Variants in SUV39H2 observed in about 807,000 individuals in gnomAD.
SUV39H2 encodes SUV39H2 histone lysine methyltransferase.
In SUV39H2, 10 loss-of-function variants were observed where a neutral mutation model predicts 47.5. The observed-to-expected ratio is 0.21, with a 90% confidence interval of 0.13 to 0.36. SUV39H2 has a LOEUF of 0.36. Ranked by LOEUF, SUV39H2 falls within the 10% of genes least tolerant of loss-of-function variation. The probability of loss-of-function intolerance (pLI) is 1.00; values close to 1 mark genes in which losing one functional copy is unlikely to be tolerated. For missense variants in SUV39H2, 266 were observed against 487.4 expected (o/e 0.55, Z 4.28); for synonymous variants, 159 against 166.8 (o/e 0.95, Z 0.36).
intron 2 of SUV39H2, among the ~76,000 whole-genome samples, chr10:14,884,417 T>A (rs868267463): frequency 1.2e-4 from 19 of 152,360 alleles, no homozygotes; most frequent in African/African-American, 4.3e-4. Flanking sequence ...TTTTTCTGAC[T>A]AATGATACTG....
intron 2 of SUV39H2, among the ~76,000 whole-genome samples, chr10:14,883,957 C>T (rs1401670003): frequency 6.6e-6 from 1 of 152,066 alleles, no homozygotes; most frequent in African/African-American, 2.4e-5. Flanking sequence ...GTGATTGGCC[C>T]CTTTCACTCA....
At chr10:14,897,593 T>G (rs1003623747) in intron 3 of SUV39H2, 76 bp downstream of exon 3, 104 of 1,230,236 alleles carry the variant, frequency 8.5e-5, no homozygotes, top group Non-Finnish European at 1.1e-4. Flanking sequence ...TTTTATCTCT[T>G]TAAGAGATAC....
At chr10:14,894,130 C>A (rs1033484013) in intron 2 of SUV39H2, among the ~76,000 whole-genome samples, 2 of 152,024 alleles carry the variant, frequency 1.3e-5, no homozygotes, top group Non-Finnish European at 1.5e-5. Flanking sequence ...CCACTAACAG[C>A]AGTCCTGAAT....
intron 2 of SUV39H2, among the ~76,000 whole-genome samples, chr10:14,895,284 C>T (rs1404949200): frequency 2.0e-5 from 3 of 151,594 alleles, no homozygotes; most frequent in Admixed American, 2.0e-4. Context: ...TCAGGCGATT[C>T]TCCTGCCTCA....
chr10:14,888,789 G>A (rs1175610068), intron 2 of SUV39H2, among the ~76,000 whole-genome samples: 3 of 151,872 alleles, frequency 2.0e-5, no homozygotes, highest in African/African-American at 7.3e-5. Context: ...GCACCTCTGA[G>A]AAGAGCCAAA....
At chr10:14,887,607 A>G (rs1389141687) in intron 2 of SUV39H2, among the ~76,000 whole-genome samples, 3 of 152,216 alleles carry the variant, frequency 2.0e-5, no homozygotes, top group East Asian at 1.9e-4. Context: ...TAGAGAGGGA[A>G]GCCTTGGGAG....
At chr10:14,879,027 C>T in intron 1 of SUV39H2, 108 bp downstream of exon 1, 2 of 1,318,978 alleles carry the variant, frequency 1.5e-6, no homozygotes, top group Non-Finnish European at 1.9e-6. Context: ...GTGGCGGTTC[C>T]CCGCCCGCCG....
intron 2 of SUV39H2, among the ~76,000 whole-genome samples, chr10:14,883,966 C>T (rs1338741281): frequency 2.6e-5 from 4 of 152,142 alleles, no homozygotes; most frequent in Non-Finnish European, 5.9e-5. Context: ...CCCTTTCACT[C>T]AGCGTGTTTT....
At chr10:14,886,999 AT>A (rs1422390856) in intron 2 of SUV39H2, among the ~76,000 whole-genome samples, 4 of 152,092 alleles carry the variant, frequency 2.6e-5, no homozygotes. Context: ...TGAGTGAAGG[AT>A]TTTTCAGCCA....
chr10:14,892,627 T>G (rs192635346), intron 2 of SUV39H2, among the ~76,000 whole-genome samples: 1 of 152,212 alleles, frequency 6.6e-6, no homozygotes, highest in East Asian at 1.9e-4. Context: ...CCCTCTATAT[T>G]CTGGTGATAA....
intron 2 of SUV39H2, among the ~76,000 whole-genome samples, chr10:14,890,068 C>G (rs1307644872): frequency 6.6e-6 from 1 of 152,188 alleles, no homozygotes; most frequent in Non-Finnish European, 1.5e-5. Context: ...AGAACCACCT[C>G]TATATGGCGT....
chr10:14,898,199 TTTC>T lies in SUV39H2; in HGVS notation c.849+685_849+687del, dbSNP rs1323716024. ...TCCAAAACTCAGTGAGGTAGTACTGTTTCTTTTTTTTTTTTTTTTTTTTTTTTT... is the reference window on the plus strand; with the variant it reads ...TCCAAAACTCAGTGAGGTAGTACTGTTTTTTTTTTTTTTTTTTTTTTTTTT... On this transcript the variant is annotated intron_variant, in intron 3 of 5. Transcript: ENST00000354919. The T allele has an allele frequency of 2.1e-5, 3 of 142,608 alleles. No individual in the cohort carries two copies. In the Admixed American group the frequency reaches 2.2e-4, roughly 11 times the overall value. 8.8% of individuals were successfully genotyped at this position (142,608 alleles called of 1,614,324 possible). A position where few individuals can be genotyped will look rare whatever the true frequency, so the allele number is the denominator to read the frequency against.
intron 4 of SUV39H2, 150 bp downstream of exon 4, chr10:14,899,835 T>C (rs550100723): frequency 5.2e-5 from 49 of 947,026 alleles, no homozygotes; most frequent in Non-Finnish European, 9.1e-6. Flanking sequence ...TGTTAAGTTA[T>C]GGTATTATTG....
chr10:14,892,906 G>A (rs1452690166), intron 2 of SUV39H2, among the ~76,000 whole-genome samples: 3 of 149,816 alleles, frequency 2.0e-5, no homozygotes, highest in Admixed American at 6.7e-5. Context: ...TGCAACCTCC[G>A]CCTCCCAGGT....
chr10:14,897,689 A>G, intron 3 of SUV39H2, 172 bp downstream of exon 3: 1 of 506,318 alleles, frequency 2.0e-6, no homozygotes, highest in East Asian at 3.6e-5. Flanking sequence ...TTTAGAAATA[A>G]AAAACTTTTA....
intron 2 of SUV39H2, among the ~76,000 whole-genome samples, chr10:14,892,973 A>C (rs1588843447): frequency 7.1e-6 from 1 of 140,702 alleles, no homozygotes. Flanking sequence ...GTGCCTGCCC[A>C]CCACCATGCC....
intron 2 of SUV39H2, among the ~76,000 whole-genome samples, chr10:14,893,064 G>A (rs1464920579): frequency 2.1e-5 from 3 of 144,698 alleles, no homozygotes; most frequent in Non-Finnish European, 4.5e-5. Context: ...GTGCAGTGGC[G>A]CAATCTAGGC....
chr10:14,902,061 A>G (rs1215146554), intron 5 of SUV39H2, among the ~76,000 whole-genome samples: 1 of 152,188 alleles, frequency 6.6e-6, no homozygotes, highest in Non-Finnish European at 1.5e-5. Flanking sequence ...CTGTGCTTTT[A>G]TATACGGTGT....
chr10:14,897,587 A>AGG (rs2131703852), intron 3 of SUV39H2, 70 bp downstream of exon 3: 2 of 1,323,708 alleles, frequency 1.5e-6, no homozygotes, highest in Non-Finnish European at 2.0e-6. Flanking sequence ...TTACCTTTTT[A>AGG]TCTCTTTAAG....
Sources: gnomAD v4.1 joint callset for allele counts (sites outside exome capture counted in the v4.1 genomes callset) on GRCh38, gnomAD v4.1.1 for gene constraint, MANE v1.5 for transcripts, NCBI Gene and HGNC (gene_info 2026-07-23, HGNC 2026-07-21) for gene names.